The following SLFN12L variants were observed in gnomAD, a reference collection of about 807,000 sequenced individuals.
The protein encoded by SLFN12L is schlafen family member 12-like.
In SLFN12L, 34 loss-of-function variants were observed where a neutral mutation model predicts 34.8. The observed-to-expected ratio is 0.98, with a 90% confidence interval of 0.74 to 1.30. The LOEUF (loss-of-function observed/expected upper bound fraction) is 1.30. Ranked by LOEUF, SLFN12L falls within the 50% of genes most tolerant of loss-of-function variation. The pLI is 0.00. For missense variants in SLFN12L, 703 were observed against 696.2 expected (o/e 1.01, Z -0.11); for synonymous variants, 259 against 247.5 (o/e 1.05, Z -0.44).
At chr17:35,532,640 C>T (rs575127561) in intron 1 of SLFN12L, among the ~76,000 whole-genome samples, 1 of 151,790 alleles carries the variant, frequency 6.6e-6, no homozygotes, top group South Asian at 2.1e-4. Context: ...ACCTATAATC[C>T]TTACACTTTG....
chr17:35,522,774 G>A lies in SLFN12L; in HGVS notation c.-410C>T. 1 of 1,592,798 alleles carries A rather than the reference G, an allele frequency of 6.3e-7. No homozygotes were observed. Among genetic ancestry groups the A allele is most frequent in the East Asian group, 2.2e-5 (1 of 44,768 alleles). ...CCTGGCCCTGCCAGGGCTGTTCTATGCTATCAGCAGAGCATCACAGATGAC... is the reference window on the plus strand; with the variant it reads ...CCTGGCCCTGCCAGGGCTGTTCTATACTATCAGCAGAGCATCACAGATGAC... On this transcript the variant is annotated 5_prime_UTR_variant, in exon 2 of 5. Coordinates refer to ENST00000628453, the MANE Select transcript of SLFN12L (RefSeq NM_001363830.2).
At chr17:35,484,921 T>G (rs1441058564) in intron 2 of SLFN12L, among the ~76,000 whole-genome samples, 1 of 152,216 alleles carries the variant, frequency 6.6e-6, no homozygotes, top group Non-Finnish European at 1.5e-5. Flanking sequence ...TAGACATAGG[T>G]CTATTCAGAT....
At position 35,469,338 on chromosome 17, in the gene SLFN12L, A is replaced by T. The variant is rs9286731; in HGVS notation, c.*5585T>A. Among the ~76,000 whole-genome samples the T allele has an allele frequency of 0.028, 2,632 of 95,456 alleles. 81 individuals carry two copies. The highest frequency in any genetic ancestry group is 0.083 in the African/African-American group (2,457 of 29,648). The allele number at this position is 95,456 out of a possible 152,430, so 62.6% of individuals were successfully genotyped here. ...ATATTATATATATAAATATATATAT[A>T]ATATATATATATATGTATTTCAAAC... is the stretch of plus-strand genomic sequence containing the variant. On this transcript the variant is annotated 3_prime_UTR_variant, in exon 5 of 5. Coordinates refer to ENST00000628453, the MANE Select transcript of SLFN12L (RefSeq NM_001363830.2).
chr17:35,488,606 A>G (rs1425129016), intron 2 of SLFN12L, among the ~76,000 whole-genome samples: 1 of 152,152 alleles, frequency 6.6e-6, no homozygotes, highest in Non-Finnish European at 1.5e-5. Context: ...TTTGAAATGC[A>G]CACAGGCCAA....
intron 2 of SLFN12L, among the ~76,000 whole-genome samples, chr17:35,508,879 T>A (rs1016330452): frequency 5.3e-5 from 8 of 152,118 alleles, no homozygotes; most frequent in African/African-American, 1.7e-4. Context: ...ATTCTGGGCA[T>A]TAAAAATTAA....
chr17:35,531,707 C>G (rs575652764), intron 1 of SLFN12L, among the ~76,000 whole-genome samples: 1 of 152,220 alleles, frequency 6.6e-6, no homozygotes, highest in South Asian at 2.1e-4. Context: ...ACCTCCATCT[C>G]GCAGGTTCAA....
intron 4 of SLFN12L, among the ~76,000 whole-genome samples, chr17:35,477,650 T>C (rs963220170): frequency 2.0e-5 from 3 of 152,000 alleles, no homozygotes; most frequent in Non-Finnish European, 4.4e-5. Flanking sequence ...AGATAAAATA[T>C]CTTCTATGGG....
chr17:35,478,150 A>T lies in SLFN12L; in HGVS notation c.1201T>A (p.Ser401Thr), dbSNP rs1914121771. Residue 401 changes from serine to threonine, a missense_variant, in exon 4 of 5, where the codon TCA (serine) becomes ACA (threonine). Coordinates refer to ENST00000628453, the MANE Select transcript of SLFN12L (RefSeq NM_001363830.2). ...AGAGGATAACTCTGGGAGACAGGTG[A>T]TGATGTACTTGCTGGAGAGGGCAGT... is the stretch of plus-strand genomic sequence containing the variant. ...EELPSPASTS[S>T]PVSQSYPLRE... 4.5e-6 allele frequency: 7 copies of T among 1,545,468 alleles called. No individual in the cohort carries two copies. The Admixed American group carries it at 9.8e-5, about 22-fold the overall frequency.
At chr17:35,536,133 T>C (rs1221945506) in intron 1 of SLFN12L, among the ~76,000 whole-genome samples, 1 of 152,206 alleles carries the variant, frequency 6.6e-6, no homozygotes, top group African/African-American at 2.4e-5. Context: ...ATCTAGACTC[T>C]TAATCATTGT....
chr17:35,518,020 C>T (rs1253952659), intron 2 of SLFN12L, among the ~76,000 whole-genome samples: 1 of 152,140 alleles, frequency 6.6e-6, no homozygotes, highest in African/African-American at 2.4e-5. Flanking sequence ...AAAGCAATTG[C>T]AACAAAAGCT....
In SLFN12L at chr17:35,484,754, G is replaced by A. The variant is rs570509139; in HGVS notation, c.87-4559C>T. Among the ~76,000 whole-genome samples, 10 of 152,300 alleles carry A rather than the reference G, an allele frequency of 6.6e-5. No homozygotes were observed. In the South Asian group the frequency reaches 2.1e-3, roughly 32 times the overall value. Reference sequence around the variant, plus strand: ...AGGATCAAGTCAGATTGGATTGCCAGGATGGTGCTGATAATGCTGATTTGG... The same window carrying A: ...AGGATCAAGTCAGATTGGATTGCCAAGATGGTGCTGATAATGCTGATTTGG... On this transcript the variant is annotated intron_variant, in intron 2 of 4. Coordinates refer to ENST00000628453, the MANE Select transcript of SLFN12L (RefSeq NM_001363830.2).
At chr17:35,525,252 TGAG>T (rs1166054955) in intron 1 of SLFN12L, among the ~76,000 whole-genome samples, 2 of 152,104 alleles carry the variant, frequency 1.3e-5, no homozygotes, top group Non-Finnish European at 2.9e-5. Context: ...ATGAAAGTGA[TGAG>T]GAGAATGGAA....
intron 2 of SLFN12L, among the ~76,000 whole-genome samples, chr17:35,520,695 G>A (rs569487053): frequency 2.6e-5 from 4 of 151,846 alleles, no homozygotes; most frequent in South Asian, 4.2e-4. Flanking sequence ...GCAGTGAGCC[G>A]AGATCATACC....
rs1914778137 is a variant in SLFN12L, at chr17:35,490,190, G to T, written c.87-9995C>A. ...CGGGCTGCTGCAGCCACCAGCGCTG[G>T]GACGAGGCGGCAGTGGCCCTCTGGC... On this transcript the variant is annotated intron_variant, in intron 2 of 4. Coordinates refer to ENST00000628453, the MANE Select transcript of SLFN12L (RefSeq NM_001363830.2). 1.9e-6 allele frequency: 3 copies of T among 1,602,392 alleles called. No homozygotes were observed. In the East Asian group the frequency reaches 6.7e-5, roughly 36 times the overall value.
chr17:35,531,016 A>C (rs1052891078), intron 1 of SLFN12L, among the ~76,000 whole-genome samples: 8 of 152,218 alleles, frequency 5.3e-5, no homozygotes, highest in African/African-American at 1.9e-4. Context: ...CCATAGCCCC[A>C]AATGCCTATA....
chr17:35,496,568 A>C (rs1597854120), intron 2 of SLFN12L, among the ~76,000 whole-genome samples: 2 of 110,902 alleles, frequency 1.8e-5, no homozygotes, highest in Admixed American at 1.1e-4. Context: ...CATGACCTCG[A>C]CTCCCTTCCC....
At chr17:35,498,434 GT>G in intron 2 of SLFN12L, 1 of 1,308,200 alleles carries the variant, frequency 7.6e-7, no homozygotes, top group Non-Finnish European at 1.1e-6. Context: ...ATGAAGTACA[GT>G]TTGGACGACT....
rs915921104 is a variant in SLFN12L at position 35,514,026 on chromosome 17, C to T, written c.86+8253G>A. Among the ~76,000 whole-genome samples, 28 of 152,170 alleles carry T rather than the reference C, an allele frequency of 1.8e-4. 1 individual carries two copies. Among genetic ancestry groups the T allele is most frequent in the Non-Finnish European group, 5.9e-5 (4 of 68,030 alleles). On this transcript the variant is annotated intron_variant, in intron 2 of 4. Transcript: ENST00000628453. Reference sequence around the variant, plus strand: ...AAGATACTAAACAGAACCAAATGACCGAGAAGCTGAAAGGGACACTTTGCA... The same window carrying T: ...AAGATACTAAACAGAACCAAATGACTGAGAAGCTGAAAGGGACACTTTGCA...
chr17:35,514,125 T>C (rs1377380550), intron 2 of SLFN12L, among the ~76,000 whole-genome samples: 6 of 152,232 alleles, frequency 3.9e-5, no homozygotes, highest in Non-Finnish European at 8.8e-5. Flanking sequence ...GATTGGGGTA[T>C]ACATAAATCT....
Sources: allele counts gnomAD v4.1 joint callset (sites outside exome capture counted in the v4.1 genomes callset), GRCh38; gene constraint gnomAD v4.1.1; transcripts MANE v1.5; gene names NCBI Gene and HGNC (gene_info 2026-07-23, HGNC 2026-07-21).